DENND3: variants seen among roughly 807,000 people sequenced by gnomAD.
The protein encoded by DENND3 is DENN domain-containing protein 3.
DENND3 carries 88 observed loss-of-function variants against 135.1 expected under a neutral mutation model. The observed-to-expected ratio is 0.65, with a 90% CI of 0.55 to 0.78. The LOEUF is 0.78. Among genes scored for constraint, DENND3 ranks in the 30% least tolerant of loss-of-function variants. The pLI is 0.00. For missense variants in DENND3, 1,392 were observed against 1,688.4 expected, an observed-to-expected ratio of 0.82 and a Z score of 3.08; for synonymous variants, 693 against 712.3, an observed-to-expected ratio of 0.97 and a Z score of 0.43.
At position 141,168,485 on chromosome 8, in the gene DENND3, C is replaced by T. The variant is rs761403964; in HGVS notation, c.2235C>T (p.Asp745=). Residue 745 remains aspartate (D), a synonymous_variant, in exon 13 of 23, where the codon GAC becomes GAT. Transcript: ENST00000519811. This position sits in a 1 kb window ranked among gnomAD's most constrained non-coding sequence, Gnocchi z 6.2. ...TCCAGGAGTCAGGGATCGTGAAGGA[C>T]GCCAGCATCATACACCGGCTGTTCG... ...KRVQESGIVK[D]ASIIHRLFEA... 21 of 1,612,992 alleles carry T rather than the reference C, an allele frequency of 1.3e-5. No homozygotes were observed. The highest frequency in any genetic ancestry group is 4.5e-5 in the East Asian group (2 of 44,884).
chr8:141,191,273 T>G (rs1824715078), intron 20 of DENND3: 1 of 152,266 alleles, frequency 6.6e-6, no homozygotes, highest in South Asian at 2.1e-4. Flanking sequence ...ACAAATGGAC[T>G]CTACAGTAGG....
chr8:141,183,666 C>T (rs913825162), intron 17 of DENND3, among the ~76,000 whole-genome samples: 1 of 150,782 alleles, frequency 6.6e-6, no homozygotes, highest in African/African-American at 2.4e-5. Flanking sequence ...CGCCCTCTGG[C>T]AGGCTCAGGT....
At chr8:141,192,308 A>G (rs1569557181) in intron 20 of DENND3, 23 bp from the exon 21 acceptor site, 1 of 1,613,166 alleles carries the variant, frequency 6.2e-7, no homozygotes, top group Middle Eastern at 1.7e-4. Flanking sequence ...GCCTGGCCCC[A>G]TCCTAGCTCC....
In DENND3 at chr8:141,165,248, C is replaced by T; in HGVS notation, c.1512C>T (p.Ala504=). 6.2e-7 allele frequency: 1 copy of T among 1,614,192 alleles called. No homozygotes were observed. The highest frequency in any genetic ancestry group is 8.5e-7 in the Non-Finnish European group (1 of 1,180,012). The change falls in exon 11 of 23, where the codon GCC becomes GCT. Residue 504 remains alanine (A), a synonymous_variant. Transcript: ENST00000519811. The part of the protein sequence containing the change: ...LKARLNRRMD[A]FAQMDLDTQS... ...CCCGGCTCAATAGGAGGATGGACGC[C>T]TTTGCTCAGATGGACCTCGACACCC...
chr8:141,134,888 TG>T (rs1816591475), intron 1 of DENND3, among the ~76,000 whole-genome samples: 1 of 152,180 alleles, frequency 6.6e-6, no homozygotes, highest in Non-Finnish European at 1.5e-5. Context: ...TGGACTGCAG[TG>T]GTGAGATCTC....
chr8:141,143,558 C>T (rs1388467338), intron 4 of DENND3, among the ~76,000 whole-genome samples: 1 of 152,146 alleles, frequency 6.6e-6, no homozygotes, highest in Non-Finnish European at 1.5e-5. Flanking sequence ...GCGCACACCA[C>T]CACACCAGGA....
In DENND3 at chr8:141,168,636, C is replaced by G; in HGVS notation, c.2275+111C>G. 7.3e-7 allele frequency: 1 copy of G among 1,371,332 alleles called. No individual in the cohort carries two copies. Among genetic ancestry groups the G allele is most frequent in the Non-Finnish European group, 9.8e-7 (1 of 1,023,596 alleles). 84.9% of individuals were successfully genotyped at this position (1,371,332 alleles called of 1,614,324 possible). A position where few individuals can be genotyped will look rare whatever the true frequency, so the allele number is the denominator to read the frequency against. ...TCACAGCTCACTGCAACCTCCACCT[C>G]CTGGGCTCAAGCAGTCCTCCCACCT... is the stretch of plus-strand genomic sequence containing the variant. On this transcript the variant is annotated intron_variant, in intron 13 of 22. Coordinates refer to ENST00000519811, the MANE Select transcript of DENND3 (RefSeq NM_001352890.3). This position sits in a 1 kb window ranked among gnomAD's most constrained non-coding sequence, Gnocchi z 6.2.
chr8:141,174,750 G>A lies in DENND3; in HGVS notation c.2276-450G>A, dbSNP rs577226920. On this transcript the variant is annotated intron_variant, in intron 13 of 22. Coordinates refer to ENST00000519811, the MANE Select transcript of DENND3 (RefSeq NM_001352890.3). This position sits in a 1 kb window ranked among gnomAD's most constrained non-coding sequence, Gnocchi z 4.6. ...GAGGCCGACCCAGTGGCAGGGCAGC[G>A]GCGCTAAGGATCCAACCTTCCCGGC... is the stretch of plus-strand genomic sequence containing the variant. Among the ~76,000 whole-genome samples the A allele has an allele frequency of 2.2e-4, 34 of 152,332 alleles. No homozygotes were observed. Among genetic ancestry groups the A allele is most frequent in the Non-Finnish European group, 4.6e-4 (31 of 68,022 alleles).
In DENND3 at chr8:141,166,384, G is replaced by A. The variant is rs145191224; in HGVS notation, c.1748G>A (p.Ser583Asn). 4.4e-5 allele frequency: 71 copies of A among 1,610,858 alleles called. No individual in the cohort carries two copies. Among genetic ancestry groups the A allele is most frequent in the Non-Finnish European group, 5.8e-5 (69 of 1,179,734 alleles). ...LTDTAGCRGSSAVLNVTPKSP... is the reference protein window; with the variant it reads ...LTDTAGCRGSNAVLNVTPKSP... ...GACACCGCAGGCTGTAGGGGCAGCA[G>A]CGCAGGTGAGGGCTGCCCCCCACTG... Residue 583 changes from serine to asparagine, a missense_variant, in exon 12 of 23, where the codon AGC becomes AAC. Coordinates refer to ENST00000519811, the MANE Select transcript of DENND3 (RefSeq NM_001352890.3). This position sits in a 1 kb window ranked among gnomAD's most constrained non-coding sequence, Gnocchi z 4.3.
chr8:141,128,881 G>T lies in DENND3; in HGVS notation c.102+72G>T. ...CCGGGACAGCAGTCGGAGAGCGGGCGCCCGGGTGCCCTGTGGGTTGGCGCG... is the reference window on the plus strand; with the variant it reads ...CCGGGACAGCAGTCGGAGAGCGGGCTCCCGGGTGCCCTGTGGGTTGGCGCG... On this transcript the variant is annotated intron_variant, in intron 1 of 22. Coordinates refer to ENST00000519811, the MANE Select transcript of DENND3 (RefSeq NM_001352890.3). This position sits in a 1 kb window ranked among gnomAD's most constrained non-coding sequence, Gnocchi z 4.5. 1 of 1,149,384 alleles carries T rather than the reference G, an allele frequency of 8.7e-7. No homozygotes were observed. Among genetic ancestry groups the T allele is most frequent in the South Asian group, 1.9e-5 (1 of 51,444 alleles). 71.2% of individuals were successfully genotyped at this position (1,149,384 alleles called of 1,614,324 possible).
intron 5 of DENND3, among the ~76,000 whole-genome samples, chr8:141,145,829 A>T (rs1448889528): frequency 2.5e-4 from 9 of 36,388 alleles, no homozygotes; most frequent in African/African-American, 7.5e-4. Flanking sequence ...ATATATATAT[A>T]TATATATATA....
intron 13 of DENND3, among the ~76,000 whole-genome samples, chr8:141,170,486 C>T (rs980207269): frequency 4.6e-5 from 7 of 152,302 alleles, no homozygotes; most frequent in East Asian, 1.9e-4. Context: ...TCAGATTGTG[C>T]GCTCACTGAT....
intron 6 of DENND3, 44 bp downstream of exon 6, chr8:141,150,997 T>G: frequency 6.8e-7 from 1 of 1,480,278 alleles, no homozygotes; most frequent in South Asian, 1.4e-5. Context: ...GCTCCCTGCC[T>G]TAGTGGGGCA....
intron 10 of DENND3, among the ~76,000 whole-genome samples, chr8:141,164,389 C>G (rs1820509829): frequency 1.3e-5 from 2 of 152,222 alleles, no homozygotes; most frequent in Non-Finnish European, 2.9e-5. Flanking sequence ...GCCCCTTGAT[C>G]CTTTGGGGGT....
chr8:141,192,182 C>T, intron 20 of DENND3, 149 bp from the exon 21 acceptor site: 1 of 1,052,154 alleles, frequency 9.5e-7, no homozygotes, highest in Non-Finnish European at 1.3e-6. Context: ...TCCCAGTAGA[C>T]CTCACCTGTG....
In DENND3 at chr8:141,186,818, C is replaced by G. The variant is rs115216524; in HGVS notation, c.3084+1540C>G. Among the ~76,000 whole-genome samples, 541 of 152,288 alleles carry G rather than the reference C, an allele frequency of 3.6e-3. 2 individuals carry two copies. Among genetic ancestry groups the G allele is most frequent in the African/African-American group, 0.012 (507 of 41,564 alleles). On this transcript the variant is annotated intron_variant, in intron 18 of 22. Transcript: ENST00000519811. Reference sequence around the variant, plus strand: ...CATCCCTCCAGGCCCCCAGCGGCCCCTCCTGCCTGCAGACCATCATTTCTT... The same window carrying G: ...CATCCCTCCAGGCCCCCAGCGGCCCGTCCTGCCTGCAGACCATCATTTCTT...
intron 16 of DENND3, among the ~76,000 whole-genome samples, chr8:141,179,501 C>T (rs181589721): frequency 7.2e-5 from 11 of 152,340 alleles, no homozygotes; most frequent in East Asian, 1.9e-4. Context: ...GTTACAAATC[C>T]GGAAACATTT....
Position 141,166,134 on chromosome 8 carries a change from T to C in DENND3, c.1554-56T>C, listed in dbSNP as rs1289342301. 3 of 1,554,450 alleles carry C rather than the reference T, an allele frequency of 1.9e-6. No individual in the cohort carries two copies. Among genetic ancestry groups the C allele is most frequent in the South Asian group, 2.2e-5 (2 of 89,056 alleles). ...CTGGGAAAAATGCTTAGTTTAGGCTTATTCTTCAATCATTATTGTGTCTAT... is the reference window on the plus strand; with the variant it reads ...CTGGGAAAAATGCTTAGTTTAGGCTCATTCTTCAATCATTATTGTGTCTAT... On this transcript the variant is annotated intron_variant, in intron 11 of 22. Coordinates refer to ENST00000519811, the MANE Select transcript of DENND3 (RefSeq NM_001352890.3). This position sits in a 1 kb window ranked among gnomAD's most constrained non-coding sequence, Gnocchi z 4.3.
chr8:141,185,864 G>A (rs1823823915), intron 18 of DENND3, among the ~76,000 whole-genome samples: 1 of 151,758 alleles, frequency 6.6e-6, no homozygotes, highest in African/African-American at 2.4e-5. Context: ...AATAAAAATC[G>A]ACGTCAGTTC....
Sources: allele counts gnomAD v4.1 joint callset (sites outside exome capture counted in the v4.1 genomes callset), GRCh38; gene constraint gnomAD v4.1.1; non-coding constraint Gnocchi (gnomAD v3.1); transcripts MANE v1.5; gene names NCBI Gene and HGNC (gene_info 2026-07-23, HGNC 2026-07-21).